ITPR1: variants seen among roughly 807,000 people sequenced by gnomAD.
ITPR1 encodes the protein inositol 1,4,5-trisphosphate receptor type 1.
ITPR1 carries 96 observed loss-of-function variants against 318.4 expected under a neutral mutation model. That is an observed-to-expected ratio of 0.30 (90% CI 0.26 to 0.36). ITPR1 has a LOEUF of 0.36. Among genes scored for constraint, ITPR1 ranks in the 10% least tolerant of loss-of-function variants. ITPR1 has a pLI of 1.00. For synonymous variants in ITPR1, 1,312 were observed against 1,289.9 expected (o/e 1.02, Z -0.37); for missense variants, 2,440 against 3,460.2 (o/e 0.71, Z 7.40).
At chr3:4,565,653 C>T (rs2087157198) in intron 4 of ITPR1, among the ~76,000 whole-genome samples, 1 of 152,158 alleles carries the variant, frequency 6.6e-6, no homozygotes, top group Non-Finnish European at 1.5e-5. Context: ...TTGATTGTCT[C>T]CCCAAGACGA....
At chr3:4,655,583 C>T (rs2093687941) in intron 12 of ITPR1, among the ~76,000 whole-genome samples, 1 of 152,140 alleles carries the variant, frequency 6.6e-6, no homozygotes, top group Non-Finnish European at 1.5e-5. Flanking sequence ...GGCTGCACAG[C>T]AGTGTATAAA....
intron 2 of ITPR1, among the ~76,000 whole-genome samples, chr3:4,510,892 T>C (rs1283873079): frequency 6.6e-6 from 1 of 152,028 alleles, no homozygotes; most frequent in Non-Finnish European, 1.5e-5. Context: ...GACGAGAGTG[T>C]TGTGGGCTTG....
At chr3:4,799,112 C>T (rs528017271) in intron 53 of ITPR1, among the ~76,000 whole-genome samples, 3 of 152,186 alleles carry the variant, frequency 2.0e-5, no homozygotes, top group Non-Finnish European at 4.4e-5. Context: ...TAAGGACCAT[C>T]GACTTCAGAG....
intron 14 of ITPR1, 28 bp from the exon 15 acceptor site, chr3:4,662,054 A>C (rs749000728): frequency 2.5e-6 from 4 of 1,601,308 alleles, no homozygotes; most frequent in Admixed American, 3.4e-5. Context: ...CCAAGAGATT[A>C]TCTCACAAGG....
intron 39 of ITPR1, among the ~76,000 whole-genome samples, chr3:4,713,462 C>T (rs1336776977): frequency 2.0e-5 from 3 of 152,134 alleles, no homozygotes; most frequent in African/African-American, 2.4e-5. Flanking sequence ...TAACCTGGAA[C>T]GTAGAAGCAT....
chr3:4,599,814 A>T (rs2125080115), intron 4 of ITPR1, among the ~76,000 whole-genome samples: 1 of 152,304 alleles, frequency 6.6e-6, no homozygotes, highest in African/African-American at 2.4e-5. Flanking sequence ...CCACTGGATC[A>T]GTCTTGGAGT....
intron 60 of ITPR1, chr3:4,831,004 C>A (rs1301101437): frequency 2.2e-6 from 1 of 456,606 alleles, no homozygotes; most frequent in Admixed American, 2.3e-5. Flanking sequence ...CTTAGAACAG[C>A]CTCTTCTTTT....
At chr3:4,707,006 T>G (rs575602989) in intron 37 of ITPR1, among the ~76,000 whole-genome samples, 5 of 152,156 alleles carry the variant, frequency 3.3e-5, no homozygotes, top group Admixed American at 6.5e-5. Context: ...CCACAAGCAG[T>G]GTTTAAGAGT....
chr3:4,528,189 A>G (rs541527176), intron 4 of ITPR1, among the ~76,000 whole-genome samples: 1 of 152,316 alleles, frequency 6.6e-6, no homozygotes, highest in African/African-American at 2.4e-5. Flanking sequence ...CAGTTTCCCC[A>G]TCTGTTAAAT....
rs2044692961 is a variant in ITPR1, at chr3:4,753,335, C to G, written c.5545-13195C>G. On this transcript the variant is annotated intron_variant, in intron 44 of 61. Transcript: ENST00000649015. Reference sequence around the variant, plus strand: ...GCACCAAGTTGGCTTGGGCCTGTCCCCTGCTTGGATATGCGCTGCCGCCGC... The same window carrying G: ...GCACCAAGTTGGCTTGGGCCTGTCCGCTGCTTGGATATGCGCTGCCGCCGC... 2.6e-5 allele frequency among the ~76,000 whole-genome samples: 4 copies of G among 152,214 alleles called. No individual in the cohort carries two copies. The South Asian group carries it at 8.3e-4, about 32-fold the overall frequency.
At chr3:4,761,383 C>G (rs1031727762) in intron 44 of ITPR1, among the ~76,000 whole-genome samples, 1 of 152,216 alleles carries the variant, frequency 6.6e-6, no homozygotes, top group Non-Finnish European at 1.5e-5. Context: ...GCTCCTGCAT[C>G]AATTTGCTTA....
At chr3:4,776,701 C>T (rs1368678848) in intron 47 of ITPR1, among the ~76,000 whole-genome samples, 1 of 152,184 alleles carries the variant, frequency 6.6e-6, no homozygotes, top group Non-Finnish European at 1.5e-5. Context: ...TATTTGACAT[C>T]TAAGTGAATT....
intron 10 of ITPR1, among the ~76,000 whole-genome samples, chr3:4,647,768 A>G (rs2093494108): frequency 6.6e-6 from 1 of 152,172 alleles, no homozygotes; most frequent in South Asian, 2.1e-4. Flanking sequence ...CTTATTTGGC[A>G]TCTGTGTAGC....
At chr3:4,507,146 G>A (rs1349315838) in intron 2 of ITPR1, among the ~76,000 whole-genome samples, 1 of 146,058 alleles carries the variant, frequency 6.8e-6, no homozygotes, top group Non-Finnish European at 1.5e-5. Flanking sequence ...TGGTTTCACA[G>A]AACATAGCCG....
intron 2 of ITPR1, among the ~76,000 whole-genome samples, chr3:4,510,462 C>G (rs1047285925): frequency 2.6e-5 from 4 of 152,112 alleles, no homozygotes; most frequent in Non-Finnish European, 5.9e-5. Context: ...ATGATACTGG[C>G]TGAGACTCAG....
At chr3:4,656,089 C>A (rs1324823444) in intron 12 of ITPR1, among the ~76,000 whole-genome samples, 1 of 152,116 alleles carries the variant, frequency 6.6e-6, no homozygotes, top group Non-Finnish European at 1.5e-5. Context: ...TTGCTTGGTG[C>A]CAGAGGGAGA....
At chr3:4,586,525 T>A (rs1344648954) in intron 4 of ITPR1, among the ~76,000 whole-genome samples, 2 of 150,594 alleles carry the variant, frequency 1.3e-5, no homozygotes, top group East Asian at 3.9e-4. Context: ...TTTTTTTTTT[T>A]TTGAGACAAG....
intron 56 of ITPR1, among the ~76,000 whole-genome samples, chr3:4,812,675 T>C (rs1216329372): frequency 1.3e-5 from 2 of 152,186 alleles, no homozygotes; most frequent in Non-Finnish European, 2.9e-5. Context: ...CTTTGTGCTC[T>C]CCCTCCCAAA....
intron 46 of ITPR1, among the ~76,000 whole-genome samples, chr3:4,771,091 A>G (rs554655185): frequency 6.6e-6 from 1 of 152,262 alleles, no homozygotes; most frequent in Non-Finnish European, 1.5e-5. Flanking sequence ...CCAGCCTTGG[A>G]GTCCACAGGG....
Sources: allele counts gnomAD v4.1 joint callset (sites outside exome capture counted in the v4.1 genomes callset), GRCh38; gene constraint gnomAD v4.1.1; transcripts MANE v1.5; gene names NCBI Gene and HGNC (gene_info 2026-07-23, HGNC 2026-07-21).